The following ZNF500 variants were observed in gnomAD, a reference collection of about 807,000 sequenced individuals.
The protein encoded by ZNF500 is zinc finger protein 500.
Under a neutral mutation model 30.1 loss-of-function variants are expected in ZNF500, and 31 were observed. The observed-to-expected ratio is 1.03, with a 90% CI of 0.77 to 1.39. ZNF500 has a LOEUF of 1.39. Ranked by LOEUF, ZNF500 falls within the 40% of genes most tolerant of loss-of-function variation. The probability of loss-of-function intolerance (pLI) is 0.00; values close to 1 mark genes in which losing one functional copy is unlikely to be tolerated. For synonymous variants in ZNF500, 392 were observed against 282.0 expected, an observed-to-expected ratio of 1.39 and a Z score of -3.91; for missense variants, 817 against 657.8, an observed-to-expected ratio of 1.24 and a Z score of -2.65.
intron 4 of ZNF500, among the ~76,000 whole-genome samples, chr16:4,761,218 T>C (rs1298916604): frequency 6.6e-6 from 1 of 151,750 alleles, no homozygotes. Context: ...AGGTGGATCA[T>C]CTGAGGTCAG....
downstream of ZNF500, chr16:4,747,200 T>A: frequency 8.1e-7 from 1 of 1,235,212 alleles, no homozygotes. Flanking sequence ...GTCCCAGCAG[T>A]GGCAGCAGTG....
Position 4,752,463 on chromosome 16 carries a change from C to G in ZNF500, c.1356G>C (p.Leu452=), listed in dbSNP as rs2082091127. The G allele has an allele frequency of 6.5e-7, 1 of 1,543,464 alleles. No homozygotes were observed. Among genetic ancestry groups the G allele is most frequent in the Non-Finnish European group, 8.7e-7 (1 of 1,149,290 alleles). ...CCATGTGGGTCCGCTGGTGCTTGTGCAGGTCGGTGCCCCGGCGGAAGCCCC... is the reference window on the plus strand; with the variant it reads ...CCATGTGGGTCCGCTGGTGCTTGTGGAGGTCGGTGCCCCGGCGGAAGCCCC... ...CGRGFRRGTD[L]HKHQRTHMGA... The change falls in exon 6 of 6, where the codon CTG becomes CTC. Residue 452 remains leucine (L), a synonymous_variant. Transcript: ENST00000219478.
At chr16:4,747,741 G>A, downstream of ZNF500, 2 of 1,338,130 alleles carry the variant, frequency 1.5e-6, no homozygotes, top group Non-Finnish European at 1.0e-6. Context: ...GCATTCCAGA[G>A]GCAGGGACCC....
chr16:4,745,260 C>T (rs1472515351), downstream of ZNF500, among the ~76,000 whole-genome samples: 1 of 152,206 alleles, frequency 6.6e-6, no homozygotes, highest in Non-Finnish European at 1.5e-5. Context: ...CCTGCTCTTT[C>T]CCCAAACCCA....
chr16:4,762,171 C>A, intron 4 of ZNF500, 100 bp downstream of exon 4: 1 of 1,372,660 alleles, frequency 7.3e-7, no homozygotes. Flanking sequence ...ACATCCAAAA[C>A]CTTGGCCCCC....
chr16:4,765,682 C>G lies in ZNF500; in HGVS notation c.297G>C (p.Leu99=). ...CCTGGATCTCCCCCGGCAGCACAGT[C>G]AGGAACTGCTCCAGCACCAGCAGCT... is the stretch of plus-strand genomic sequence containing the variant. ...ILELLVLEQF[L]TVLPGEIQAR... is the part of the protein sequence containing the mutation. The change falls in exon 2 of 6, where the codon CTG becomes CTC. Residue 99 remains leucine, a synonymous_variant. Coordinates refer to ENST00000219478, the MANE Select transcript of ZNF500 (RefSeq NM_021646.4). 4 of 1,613,688 alleles carry G rather than the reference C, an allele frequency of 2.5e-6. No homozygotes were observed. In the African/African-American group the frequency reaches 4.0e-5, roughly 16 times the overall value.
intron 2 of ZNF500, 114 bp downstream of exon 2, chr16:4,765,451 G>A (rs1596508438): frequency 2.1e-6 from 3 of 1,430,394 alleles, no homozygotes; most frequent in Admixed American, 4.6e-5. Context: ...CCTCAAAAGG[G>A]CTCAGGGGCC....
At position 4,748,892 on chromosome 16, in the gene ZNF500, G is replaced by A. The variant is rs1419740500; in HGVS notation, c.*3484C>T. 1 of 152,340 alleles carries A rather than the reference G, an allele frequency of 6.6e-6. No homozygotes were observed. Among genetic ancestry groups the A allele is most frequent in the East Asian group, 1.9e-4 (1 of 5,200 alleles). 9.4% of individuals were successfully genotyped at this position (152,340 alleles called of 1,614,324 possible). On this transcript the variant is annotated 3_prime_UTR_variant, in exon 6 of 6. Transcript: ENST00000219478. ...CTGCCAGGCCACTGAGGATGGGCAG[G>A]GGTCTCTTCTCATCAAGCCTTGTAC...
At chr16:4,746,503 C>T (rs1251454057), downstream of ZNF500, 2 of 1,613,508 alleles carry the variant, frequency 1.2e-6, no homozygotes, top group East Asian at 2.2e-5. Context: ...GACCACCTGT[C>T]CCCAGAAAGG....
rs1274707308 is a variant in ZNF500 at position 4,762,313 on chromosome 16, C to T, written c.621G>A (p.Gln207=). The change falls in exon 4 of 6, where the codon CAG becomes CAA. Residue 207 remains glutamine (Q), a synonymous_variant. Coordinates refer to ENST00000219478, the MANE Select transcript of ZNF500 (RefSeq NM_021646.4). ...GGAAGGGCGAGGCTGACGCCATCTC[C>T]TGATGCCGGGGAGCTGGAGGGCCTG... The part of the protein sequence containing the change: ...PERGPPAPRH[Q]EMASASPFLS... 1.9e-6 allele frequency: 3 copies of T among 1,610,372 alleles called. No individual in the cohort carries two copies. The highest frequency in any genetic ancestry group is 2.5e-6 in the Non-Finnish European group (3 of 1,178,446).
intron 5 of ZNF500, among the ~76,000 whole-genome samples, chr16:4,756,882 T>A (rs2141838574): frequency 6.6e-6 from 1 of 152,138 alleles, no homozygotes; most frequent in East Asian, 1.9e-4. Flanking sequence ...CTCGGGAGGC[T>A]GAGGTGGTAG....
intron 5 of ZNF500, chr16:4,753,270 G>T: frequency 1.1e-6 from 1 of 922,232 alleles, no homozygotes; most frequent in African/African-American, 1.7e-5. Flanking sequence ...AGACCAGCTT[G>T]GGCAACGCAG....
rs955210623 is a variant in ZNF500, at chr16:4,752,511, G to A, written c.1308C>T (p.Pro436=). 1.2e-5 allele frequency: 18 copies of A among 1,557,784 alleles called. No individual in the cohort carries two copies. The highest frequency in any genetic ancestry group is 1.6e-5 in the Non-Finnish European group (18 of 1,156,516). Reference sequence around the variant, plus strand: ...CCCGGCCACAGGCCGGGCAGGTGTAGGGCTTCTCACCTGTGTGCGTCCGGC... The same window carrying A: ...CCCGGCCACAGGCCGGGCAGGTGTAAGGCTTCTCACCTGTGTGCGTCCGGC... ...AHRRTHTGEK[P]YTCPACGRGF... The change falls in exon 6 of 6, where the codon CCC becomes CCT. Residue 436 remains proline, a synonymous_variant. Transcript: ENST00000219478.
Position 4,752,505 on chromosome 16 carries a change from G to C in ZNF500, c.1314C>G (p.Thr438=). The change falls in exon 6 of 6, where the codon ACC becomes ACG. Residue 438 remains threonine (T), a synonymous_variant. Coordinates refer to ENST00000219478, the MANE Select transcript of ZNF500 (RefSeq NM_021646.4). ...GGAAGCCCCGGCCACAGGCCGGGCA[G>C]GTGTAGGGCTTCTCACCTGTGTGCG... ...RRTHTGEKPY[T]CPACGRGFRR... 1 of 1,555,654 alleles carries C rather than the reference G, an allele frequency of 6.4e-7. No homozygotes were observed. The highest frequency in any genetic ancestry group is 1.4e-5 in the African/African-American group (1 of 73,600).
downstream of ZNF500, chr16:4,746,359 G>A: frequency 2.5e-6 from 4 of 1,607,286 alleles, no homozygotes; most frequent in South Asian, 1.1e-5. Flanking sequence ...CACAACACCT[G>A]CTTTTCTCAT....
At position 4,751,303 on chromosome 16, in the gene ZNF500, G is replaced by A. The variant is rs1242686877; in HGVS notation, c.*1073C>T. On this transcript the variant is annotated 3_prime_UTR_variant, in exon 6 of 6. Coordinates refer to ENST00000219478, the MANE Select transcript of ZNF500 (RefSeq NM_021646.4). The stretch of plus-strand genomic sequence containing the variant: ...TGGAAGGTGAAGGCTTCTTACCTTA[G>A]AAAGACAAAGTGGGGCAACCGTGGA... 2.3e-6 allele frequency: 1 copy of A among 430,206 alleles called. No individual in the cohort carries two copies. Among genetic ancestry groups the A allele is most frequent in the African/African-American group, 2.0e-5 (1 of 49,416 alleles). The allele number at this position is 430,206 out of a possible 1,614,324, so 26.6% of individuals were successfully genotyped here. A position where few individuals can be genotyped will look rare whatever the true frequency, so the allele number is the denominator to read the frequency against.
At chr16:4,746,407 G>C, downstream of ZNF500, 2 of 1,613,310 alleles carry the variant, frequency 1.2e-6, no homozygotes, top group Admixed American at 1.7e-5. Context: ...TCCCAGGCTG[G>C]GCCAGGCCCG....
rs2082072602 is a variant in ZNF500, at chr16:4,751,080, G to T, written c.*1296C>A. ...TGGAGCATCCCAGGCTGGGATGAAGGCCAAGGCCACCTACCTATGAGGAAC... is the reference window on the plus strand; with the variant it reads ...TGGAGCATCCCAGGCTGGGATGAAGTCCAAGGCCACCTACCTATGAGGAAC... On this transcript the variant is annotated 3_prime_UTR_variant, in exon 6 of 6. Coordinates refer to ENST00000219478, the MANE Select transcript of ZNF500 (RefSeq NM_021646.4). The T allele has an allele frequency of 6.4e-6, 1 of 155,446 alleles. No individual in the cohort carries two copies. The highest frequency in any genetic ancestry group is 1.4e-5 in the Non-Finnish European group (1 of 70,398). The allele number at this position is 155,446 out of a possible 1,614,324, so 9.6% of individuals were successfully genotyped here.
chr16:4,765,513 C>T, intron 2 of ZNF500, 52 bp downstream of exon 2: 4 of 1,533,914 alleles, frequency 2.6e-6, no homozygotes, highest in South Asian at 2.6e-5. Flanking sequence ...GCTGCAGACC[C>T]CAGCAGCAGG....
Sources: gnomAD v4.1 joint callset for allele counts (sites outside exome capture counted in the v4.1 genomes callset) on GRCh38, gnomAD v4.1.1 for gene constraint, MANE v1.5 for transcripts, NCBI Gene and HGNC (gene_info 2026-07-23, HGNC 2026-07-21) for gene names.